The following PMEPA1 variants were observed in gnomAD, a reference collection of about 807,000 sequenced individuals.
PMEPA1 encodes the protein prostate transmembrane protein, androgen induced 1.
PMEPA1 carries 11 observed loss-of-function variants against 23.0 expected under a neutral mutation model. The observed-to-expected ratio is 0.48, with a 90% confidence interval of 0.30 to 0.79. PMEPA1 has a LOEUF of 0.79. Among genes scored for constraint, PMEPA1 ranks in the 30% least tolerant of loss-of-function variants. The pLI, the probability that PMEPA1 is intolerant of heterozygous loss-of-function variation, is 0.06. For missense variants in PMEPA1, 377 were observed against 390.9 expected, an observed-to-expected ratio of 0.96 and a Z score of 0.30; for synonymous variants, 204 against 166.4, an observed-to-expected ratio of 1.23 and a Z score of -1.74.
At chr20:57,672,472 T>C (rs1411309706) in intron 1 of PMEPA1, among the ~76,000 whole-genome samples, 2 of 152,264 alleles carry the variant, frequency 1.3e-5, no homozygotes, top group Non-Finnish European at 2.9e-5. Context: ...GGCTGGTATT[T>C]AGCCGCTTCT....
chr20:57,651,664 T>C lies in PMEPA1; in HGVS notation c.*389A>G, dbSNP rs2071230443. 1 of 151,608 alleles carries C rather than the reference T, an allele frequency of 6.6e-6. No individual in the cohort carries two copies. The highest frequency in any genetic ancestry group is 2.1e-4 in the South Asian group (1 of 4,836). The allele number at this position is 151,608 out of a possible 1,614,324, so 9.4% of individuals were successfully genotyped here. A position where few individuals can be genotyped will look rare whatever the true frequency, so the allele number is the denominator to read the frequency against. On this transcript the variant is annotated 3_prime_UTR_variant, in exon 4 of 4. Transcript: ENST00000341744. ...TTATATATATTTATATATATAATAT[T>C]GCAGATCTTTAAACAAAGGTTTTGT... is the stretch of plus-strand genomic sequence containing the variant.
At chr20:57,677,504 C>T (rs886724504) in intron 1 of PMEPA1, among the ~76,000 whole-genome samples, 5 of 152,242 alleles carry the variant, frequency 3.3e-5, no homozygotes, top group African/African-American at 1.2e-4. Flanking sequence ...AAGTGGCCCT[C>T]GATTAACATG....
intron 1 of PMEPA1, among the ~76,000 whole-genome samples, chr20:57,701,030 A>C (rs75731927): frequency 6.6e-6 from 1 of 151,308 alleles, no homozygotes; most frequent in Non-Finnish European, 1.5e-5. Flanking sequence ...ACTCCATTTC[A>C]AAAAAAAAGA....
At chr20:57,668,326 G>A (rs1162921735) in intron 1 of PMEPA1, among the ~76,000 whole-genome samples, 7 of 152,208 alleles carry the variant, frequency 4.6e-5, no homozygotes, top group East Asian at 1.9e-4. Context: ...TCAAGTCCTC[G>A]CATTGCCATT....
chr20:57,705,805 A>G (rs373814594), intron 1 of PMEPA1, among the ~76,000 whole-genome samples: 6 of 152,158 alleles, frequency 3.9e-5, no homozygotes, highest in African/African-American at 1.4e-4. Flanking sequence ...CTGGCTGTCA[A>G]ACCTGGGAGA....
intron 1 of PMEPA1, among the ~76,000 whole-genome samples, chr20:57,676,724 C>T (rs1348699167): frequency 1.3e-5 from 2 of 152,194 alleles, no homozygotes; most frequent in African/African-American, 2.4e-5. Flanking sequence ...GAGCTGGACC[C>T]CCCATGACGA....
At chr20:57,679,200 G>T (rs796293278) in intron 1 of PMEPA1, among the ~76,000 whole-genome samples, 3 of 152,324 alleles carry the variant, frequency 2.0e-5, no homozygotes, top group Non-Finnish European at 4.4e-5. Flanking sequence ...AATATGAGGA[G>T]AGTTGGGGAA....
chr20:57,691,382 C>T (rs576379098), intron 1 of PMEPA1, among the ~76,000 whole-genome samples: 55 of 152,322 alleles, frequency 3.6e-4, no homozygotes, highest in African/African-American at 1.1e-3. Context: ...GGTTCTTGTG[C>T]AGGCTCTGAA....
upstream of PMEPA1, chr20:57,710,318 G>A: frequency 1.2e-6 from 1 of 858,606 alleles, no homozygotes; most frequent in East Asian, 3.3e-5. Flanking sequence ...CGGGTTGCTG[G>A]TGCGCCCTCC....
intron 1 of PMEPA1, among the ~76,000 whole-genome samples, chr20:57,662,514 C>G (rs561650665): frequency 2.6e-5 from 4 of 152,178 alleles, no homozygotes; most frequent in African/African-American, 9.7e-5. Context: ...GTGGGACACC[C>G]GCATGTTCCT....
chr20:57,650,697 T>A lies in PMEPA1; in HGVS notation c.*1356A>T, dbSNP rs549466723. 83 of 152,396 alleles carry A rather than the reference T, an allele frequency of 5.4e-4. No homozygotes were observed. Among genetic ancestry groups the A allele is most frequent in the African/African-American group, 1.8e-3 (73 of 41,596 alleles). 9.4% of individuals were successfully genotyped at this position (152,396 alleles called of 1,614,324 possible). A position where few individuals can be genotyped will look rare whatever the true frequency, so the allele number is the denominator to read the frequency against. On this transcript the variant is annotated 3_prime_UTR_variant, in exon 4 of 4. Transcript: ENST00000341744. Reference sequence around the variant, plus strand: ...AAGCTCGGGTTGGTGTTTGCTCAACTGCTTTACTCATTTTAACCCTTTCAC... The same window carrying A: ...AAGCTCGGGTTGGTGTTTGCTCAACAGCTTTACTCATTTTAACCCTTTCAC...
intron 1 of PMEPA1, chr20:57,699,945 A>G: frequency 4.4e-6 from 2 of 450,724 alleles, no homozygotes; most frequent in Middle Eastern, 3.3e-4. Flanking sequence ...CGTTTTACAT[A>G]TATCATACAT....
intron 1 of PMEPA1, among the ~76,000 whole-genome samples, chr20:57,673,071 C>T (rs981515271): frequency 5.3e-5 from 8 of 152,188 alleles, no homozygotes; most frequent in African/African-American, 1.2e-4. Context: ...CCCAACATGC[C>T]GGTTCTCCTG....
chr20:57,686,469 A>G (rs2071802698), intron 1 of PMEPA1, among the ~76,000 whole-genome samples: 1 of 152,148 alleles, frequency 6.6e-6, no homozygotes. Context: ...CGCTGGAACC[A>G]GACAAAGCCC....
Position 57,704,475 on chromosome 20 carries a change from C to T in PMEPA1, c.109+4999G>A, listed in dbSNP as rs577428634. Among the ~76,000 whole-genome samples the T allele has an allele frequency of 6.6e-6, 1 of 152,338 alleles. No homozygotes were observed. The highest frequency in any genetic ancestry group is 2.4e-5 in the African/African-American group (1 of 41,576). On this transcript the variant is annotated intron_variant, in intron 1 of 3. Transcript: ENST00000341744. The surrounding 1 kb of genome is among the most constrained non-coding windows in gnomAD (Gnocchi z 4.6). ...TTGTAAAAAGCAAAAAATGGGCCCT[C>T]GGCTTCAATCTCCTTCTCTCAGCAT... is the stretch of plus-strand genomic sequence containing the variant.
intron 1 of PMEPA1, among the ~76,000 whole-genome samples, chr20:57,675,631 CCT>C (rs2071626671): frequency 6.6e-6 from 1 of 152,164 alleles, no homozygotes; most frequent in Non-Finnish European, 1.5e-5. Flanking sequence ...ACAGTCGGCC[CCT>C]GAATGGATTG....
chr20:57,666,386 C>T (rs913745710), intron 1 of PMEPA1, among the ~76,000 whole-genome samples: 15 of 152,060 alleles, frequency 9.9e-5, no homozygotes, highest in Non-Finnish European at 1.9e-4. Context: ...GAATTCTCAC[C>T]GTCATTCTGT....
In PMEPA1 at chr20:57,649,029, G is replaced by A. The variant is rs2071185806; in HGVS notation, c.*3024C>T. 1 of 151,254 alleles carries A rather than the reference G, an allele frequency of 6.6e-6. No homozygotes were observed. Among genetic ancestry groups the A allele is most frequent in the Non-Finnish European group, 1.5e-5 (1 of 67,762 alleles). The allele number at this position is 151,254 out of a possible 1,614,324, so 9.4% of individuals were successfully genotyped here. A position where few individuals can be genotyped will look rare whatever the true frequency, so the allele number is the denominator to read the frequency against. ...TCTGTGTAGAACCGGGCTTTGCAGG[G>A]GAGATAATTTTCCTCCTCTGGAGGA... On this transcript the variant is annotated 3_prime_UTR_variant, in exon 4 of 4. Transcript: ENST00000341744.
At chr20:57,687,156 G>A (rs1015396759) in intron 1 of PMEPA1, among the ~76,000 whole-genome samples, 16 of 152,250 alleles carry the variant, frequency 1.1e-4, no homozygotes, top group African/African-American at 7.2e-5. Flanking sequence ...TTCTAGAACC[G>A]ATCTGCCAAC....
Sources: allele counts gnomAD v4.1 joint callset (sites outside exome capture counted in the v4.1 genomes callset), GRCh38; gene constraint gnomAD v4.1.1; non-coding constraint Gnocchi (gnomAD v3.1); transcripts MANE v1.5; gene names NCBI Gene and HGNC (gene_info 2026-07-23, HGNC 2026-07-21).